FAM168A: variants seen among roughly 807,000 people sequenced by gnomAD.
FAM168A encodes protein FAM168A.
FAM168A carries 3 observed loss-of-function variants against 28.5 expected under a neutral mutation model. The ratio of observed to expected loss-of-function variants is 0.11; its 90% confidence interval spans 0.05 to 0.27. The LOEUF (loss-of-function observed/expected upper bound fraction) is 0.27. Among genes scored for constraint, FAM168A ranks in the 10% least tolerant of loss-of-function variants. FAM168A has a pLI of 1.00. For synonymous variants in FAM168A, 122 were observed against 124.2 expected (o/e 0.98, Z 0.12); for missense variants, 222 against 311.5 (o/e 0.71, Z 2.16).
intron 1 of FAM168A, among the ~76,000 whole-genome samples, chr11:73,588,189 A>G (rs972543592): frequency 5.9e-5 from 9 of 152,224 alleles, no homozygotes; most frequent in Non-Finnish European, 4.4e-5. Context: ...CGACTGGCAG[A>G]AAAACTATGA....
At chr11:73,512,300 T>C (rs772662922) in intron 1 of FAM168A, among the ~76,000 whole-genome samples, 148 of 152,166 alleles carry the variant, frequency 9.7e-4, no homozygotes, top group Non-Finnish European at 2.1e-3. Flanking sequence ...CTACATTTTT[T>C]ATGAGAAAAC....
chr11:73,525,617 C>A (rs1407700910), intron 1 of FAM168A, among the ~76,000 whole-genome samples: 5 of 152,220 alleles, frequency 3.3e-5, no homozygotes. Context: ...CACAGCTCTA[C>A]CTCTCAACAT....
chr11:73,539,952 A>C (rs1943633777), intron 1 of FAM168A, among the ~76,000 whole-genome samples: 1 of 152,250 alleles, frequency 6.6e-6, no homozygotes, highest in Non-Finnish European at 1.5e-5. Flanking sequence ...GCTAGTATCC[A>C]GTGATGAGGA....
chr11:73,501,269 G>A (rs1332893657), intron 1 of FAM168A, among the ~76,000 whole-genome samples: 2 of 152,136 alleles, frequency 1.3e-5, no homozygotes, highest in African/African-American at 2.4e-5. Context: ...CCCACTGTCA[G>A]TATCAGACAG....
intron 1 of FAM168A, among the ~76,000 whole-genome samples, chr11:73,530,387 C>T (rs1943502351): frequency 6.6e-6 from 1 of 152,132 alleles, no homozygotes; most frequent in Non-Finnish European, 1.5e-5. Flanking sequence ...AATACAAAGC[C>T]AGTTGCAATG....
intron 3 of FAM168A, among the ~76,000 whole-genome samples, chr11:73,424,866 C>T (rs144162342): frequency 8.5e-5 from 13 of 152,270 alleles, no homozygotes; most frequent in East Asian, 3.9e-4. Context: ...CCATCAGACA[C>T]GTTCCTGCAT....
intron 1 of FAM168A, among the ~76,000 whole-genome samples, chr11:73,583,444 A>G (rs1399069593): frequency 6.6e-6 from 1 of 152,214 alleles, no homozygotes; most frequent in African/African-American, 2.4e-5. Context: ...TATTCTGTAC[A>G]AGGTCCCAAG....
intron 1 of FAM168A, among the ~76,000 whole-genome samples, chr11:73,514,691 A>G (rs930068019): frequency 6.0e-4 from 92 of 152,168 alleles, no homozygotes; most frequent in African/African-American, 2.2e-3. Flanking sequence ...AAATTAACCG[A>G]GCATGGTGGT....
At chr11:73,483,116 C>T (rs746282758) in intron 1 of FAM168A, among the ~76,000 whole-genome samples, 2 of 152,142 alleles carry the variant, frequency 1.3e-5, no homozygotes, top group Non-Finnish European at 2.9e-5. Context: ...GTGGGAAATA[C>T]TAGTGGTATC....
intron 1 of FAM168A, among the ~76,000 whole-genome samples, chr11:73,558,014 A>T (rs1248280427): frequency 6.6e-6 from 1 of 152,188 alleles, no homozygotes; most frequent in African/African-American, 2.4e-5. Context: ...ACCACATATA[A>T]AACTTAATTC....
intron 1 of FAM168A, among the ~76,000 whole-genome samples, chr11:73,560,703 T>C (rs1943948595): frequency 6.6e-6 from 1 of 152,218 alleles, no homozygotes; most frequent in Non-Finnish European, 1.5e-5. Flanking sequence ...GGACTTCTCA[T>C]ACATTTCTGG....
At chr11:73,429,294 G>A (rs1866942906) in intron 3 of FAM168A, among the ~76,000 whole-genome samples, 1 of 152,116 alleles carries the variant, frequency 6.6e-6, no homozygotes, top group African/African-American at 2.4e-5. Context: ...GTCCATATGT[G>A]GCTGCTGACT....
chr11:73,476,772 A>G (rs1352120426), intron 1 of FAM168A, among the ~76,000 whole-genome samples: 3 of 152,194 alleles, frequency 2.0e-5, no homozygotes, highest in African/African-American at 7.2e-5. Context: ...AAAAATTGAA[A>G]GAGTCAAATG....
chr11:73,446,668 C>A (rs1867321422), intron 2 of FAM168A, among the ~76,000 whole-genome samples: 1 of 152,192 alleles, frequency 6.6e-6, no homozygotes, highest in Admixed American at 6.5e-5. Context: ...CATTCATATT[C>A]CACAAATATT....
At chr11:73,434,771 T>G (rs1186401720) in intron 2 of FAM168A, among the ~76,000 whole-genome samples, 1 of 152,216 alleles carries the variant, frequency 6.6e-6, no homozygotes, top group East Asian at 1.9e-4. Flanking sequence ...AAAGGGTCAC[T>G]CTGATTGATG....
intron 4 of FAM168A, 129 bp downstream of exon 4, chr11:73,419,745 G>T: frequency 8.4e-7 from 1 of 1,184,184 alleles, no homozygotes; most frequent in Middle Eastern, 3.0e-4. Flanking sequence ...TTTTTGCCTG[G>T]GTAAAAGAAC....
chr11:73,480,889 G>T (rs1255645239), intron 1 of FAM168A, among the ~76,000 whole-genome samples: 1 of 152,130 alleles, frequency 6.6e-6, no homozygotes, highest in South Asian at 2.1e-4. Context: ...ATGTAATTTT[G>T]AAATAGCATT....
intron 1 of FAM168A, among the ~76,000 whole-genome samples, chr11:73,499,422 C>T (rs1180309049): frequency 6.6e-6 from 1 of 152,050 alleles, no homozygotes; most frequent in Non-Finnish European, 1.5e-5. Context: ...GAGAAGAAAT[C>T]AATGAAAAAA....
chr11:73,444,988 G>A (rs760203683), intron 2 of FAM168A, among the ~76,000 whole-genome samples: 39 of 152,292 alleles, frequency 2.6e-4, no homozygotes, highest in African/African-American at 6.3e-4. Context: ...GGCTGGCCGC[G>A]GTGGCTCACA....
Sources: allele counts gnomAD v4.1 joint callset (sites outside exome capture counted in the v4.1 genomes callset), GRCh38; gene constraint gnomAD v4.1.1; transcripts MANE v1.5; gene names NCBI Gene and HGNC (gene_info 2026-07-23, HGNC 2026-07-21).